The following MRTFA variants were observed in gnomAD, a reference collection of about 807,000 sequenced individuals.
The protein encoded by MRTFA is myocardin related transcription factor A.
A neutral mutation model predicts 83.5 loss-of-function variants in MRTFA; 20 were observed. The observed-to-expected ratio is 0.24, with a 90% confidence interval of 0.17 to 0.35. The LOEUF (loss-of-function observed/expected upper bound fraction) is 0.35, where lower values mean the gene tolerates loss of function less well. Among genes scored for constraint, MRTFA ranks in the 10% least tolerant of loss-of-function variants. The probability of loss-of-function intolerance (pLI) is 1.00; values close to 1 mark genes in which losing one functional copy is unlikely to be tolerated. For missense variants in MRTFA, 1,200 were observed against 1,224.7 expected (o/e 0.98, Z 0.30); for synonymous variants, 659 against 541.2 (o/e 1.22, Z -3.02).
At chr22:40,513,588 C>T (rs6001952) in intron 3 of MRTFA, among the ~76,000 whole-genome samples, 366 of 127,064 alleles carry the variant, frequency 2.9e-3, no homozygotes, top group African/African-American at 0.011. Flanking sequence ...GCAACAAGAG[C>T]GAAGACTCCA....
chr22:40,562,693 AGAGGGGAAGAGGGAAG>A (rs2055642285), intron 2 of MRTFA, among the ~76,000 whole-genome samples: 1 of 69,636 alleles, frequency 1.4e-5, no homozygotes, highest in Non-Finnish European at 2.8e-5. Context: ...GAAGGGGGAA[AGAGGGGAAGAGGGAAG>A]GAGGGGAAGG....
chr22:40,436,021 G>A (rs2053163417), intron 4 of MRTFA, among the ~76,000 whole-genome samples: 4 of 151,850 alleles, frequency 2.6e-5, no homozygotes. Context: ...GAGTAAGCAT[G>A]TATCTTTATG....
In MRTFA at chr22:40,506,987, TG is replaced by T. The variant is rs376945685; in HGVS notation, c.242-43702del. ...TCTGCTTATTATGGTTGGTGAATTC[TG>T]ACTAGGATACATTACGGTCTCCAAT... On this transcript the variant is annotated intron_variant, in intron 3 of 14. Coordinates refer to ENST00000355630, the MANE Select transcript of MRTFA (RefSeq NM_020831.6). Among the ~76,000 whole-genome samples the T allele has an allele frequency of 2.4e-3, 364 of 152,354 alleles. 2 individuals are homozygous for T. The highest frequency in any genetic ancestry group is 8.2e-3 in the African/African-American group (341 of 41,572).
chr22:40,630,333 A>T (rs2056629071), intron 1 of MRTFA, among the ~76,000 whole-genome samples: 1 of 152,054 alleles, frequency 6.6e-6, no homozygotes, highest in African/African-American at 2.4e-5. Flanking sequence ...ATAAAAATAA[A>T]AAAATAAAAG....
intron 4 of MRTFA, among the ~76,000 whole-genome samples, chr22:40,461,063 G>T (rs1002147981): frequency 1.1e-4 from 17 of 151,852 alleles, no homozygotes; most frequent in Non-Finnish European, 2.4e-4. Context: ...AGCCAGGCAT[G>T]ATGGCTCACA....
intron 12 of MRTFA, chr22:40,417,701 T>TG: frequency 1.8e-6 from 1 of 558,290 alleles, no homozygotes; most frequent in Non-Finnish European, 3.2e-6. Flanking sequence ...AGGGGGTGCC[T>TG]GGCCCCTTGA....
intron 2 of MRTFA, among the ~76,000 whole-genome samples, chr22:40,558,029 C>T (rs940756894): frequency 2.0e-5 from 3 of 151,992 alleles, no homozygotes; most frequent in African/African-American, 7.3e-5. Context: ...CTGCCTTGGC[C>T]TCCCAAAGTG....
At chr22:40,491,053 A>T (rs2054263845) in intron 3 of MRTFA, among the ~76,000 whole-genome samples, 1 of 152,176 alleles carries the variant, frequency 6.6e-6, no homozygotes, top group South Asian at 2.1e-4. Flanking sequence ...GTATAAGACT[A>T]TGAAAGAAGC....
At chr22:40,633,423 G>C (rs1223782292) in intron 1 of MRTFA, among the ~76,000 whole-genome samples, 1 of 152,178 alleles carries the variant, frequency 6.6e-6, no homozygotes, top group African/African-American at 2.4e-5. Flanking sequence ...AACGATCTTT[G>C]TTAATACAAC....
intron 3 of MRTFA, among the ~76,000 whole-genome samples, chr22:40,520,551 C>A (rs2054848191): frequency 6.6e-6 from 1 of 152,084 alleles, no homozygotes; most frequent in African/African-American, 2.4e-5. Flanking sequence ...AGACTATAGG[C>A]ACATGCCACC....
At chr22:40,463,106 G>C (rs2053743965) in intron 4 of MRTFA, 115 bp downstream of exon 4, 1 of 876,314 alleles carries the variant, frequency 1.1e-6, no homozygotes. Flanking sequence ...AGAAGAGAGT[G>C]GAAAATAAAA....
chr22:40,603,787 T>TA (rs938217450), intron 1 of MRTFA, among the ~76,000 whole-genome samples: 15 of 148,342 alleles, frequency 1.0e-4, no homozygotes, highest in African/African-American at 3.2e-4. Context: ...TTTTTTTTTT[T>TA]AATTTATAGA....
At chr22:40,555,256 T>G (rs975292203) in intron 2 of MRTFA, among the ~76,000 whole-genome samples, 3 of 152,208 alleles carry the variant, frequency 2.0e-5, no homozygotes, top group Non-Finnish European at 4.4e-5. Flanking sequence ...GGCAGAATGA[T>G]ATGACTCTGA....
rs944487597 is a variant in MRTFA at position 40,411,623 on chromosome 22, C to G, written c.2863G>C (p.Asp955His). The G allele has an allele frequency of 6.2e-7, 1 of 1,613,588 alleles. No individual in the cohort carries two copies. Among genetic ancestry groups the G allele is most frequent in the Non-Finnish European group, 8.5e-7 (1 of 1,179,968 alleles). ...GTGTCCATGGGTGACGGGGGGTGGT[C>G]CAGGATGGCAGTGCTGCTCAGCATC... Residue 955 changes from aspartate (D) to histidine (H), a missense_variant, in exon 15 of 15, where the codon GAC (aspartate) becomes CAC (histidine). This residue lies in a region of MRTFA where 1,107 missense variants were observed against 1,041.8 expected (regional missense o/e 1.06). Transcript: ENST00000355630.
intron 3 of MRTFA, among the ~76,000 whole-genome samples, chr22:40,473,593 A>T (rs2053948761): frequency 6.6e-6 from 1 of 152,198 alleles, no homozygotes; most frequent in African/African-American, 2.4e-5. Context: ...GTCCCAGAAA[A>T]AATAAGCAAA....
chr22:40,508,222 T>C (rs1351354811), intron 3 of MRTFA, among the ~76,000 whole-genome samples: 2 of 151,930 alleles, frequency 1.3e-5, no homozygotes, highest in African/African-American at 2.4e-5. Context: ...ATAAGATTTA[T>C]TTACGTGCTG....
At chr22:40,624,659 C>G (rs4564897) in intron 1 of MRTFA, among the ~76,000 whole-genome samples, 2 of 152,082 alleles carry the variant, frequency 1.3e-5, no homozygotes, top group African/African-American at 4.8e-5. Context: ...AAGCTCACCT[C>G]ATGAAAGTGA....
At chr22:40,559,944 G>A (rs538359693) in intron 2 of MRTFA, among the ~76,000 whole-genome samples, 21 of 152,250 alleles carry the variant, frequency 1.4e-4, no homozygotes, top group Admixed American at 4.6e-4. Flanking sequence ...GGCTTAAAGA[G>A]ATCACTTAAA....
chr22:40,605,241 C>G (rs778413669), intron 1 of MRTFA, among the ~76,000 whole-genome samples: 4 of 152,144 alleles, frequency 2.6e-5, no homozygotes, highest in Non-Finnish European at 4.4e-5. Context: ...GGTTTATAAT[C>G]TAACAGCACA....
Sources: allele counts gnomAD v4.1 joint callset (sites outside exome capture counted in the v4.1 genomes callset), GRCh38; gene constraint gnomAD v4.1.1; regional missense constraint gnomAD v4.1.1; transcripts MANE v1.5; gene names NCBI Gene and HGNC (gene_info 2026-07-23, HGNC 2026-07-21).